The following KANSL3 variants were observed in gnomAD, a reference collection of about 807,000 sequenced individuals.
KANSL3 encodes NSL complex protein NSL3.
In KANSL3, 16 loss-of-function variants were observed where a neutral mutation model predicts 89.2. The observed-to-expected ratio is 0.18, with a 90% CI of 0.12 to 0.27. KANSL3 has a LOEUF of 0.27. KANSL3 is among the 10% of genes least tolerant of loss of function. KANSL3 has a pLI of 1.00. For missense variants in KANSL3, 879 were observed against 1,110.6 expected, an observed-to-expected ratio of 0.79 and a Z score of 2.96; for synonymous variants, 385 against 419.7, an observed-to-expected ratio of 0.92 and a Z score of 1.01.
chr2:96,633,200 G>A (rs968710192), intron 2 of KANSL3, among the ~76,000 whole-genome samples: 1 of 151,758 alleles, frequency 6.6e-6, no homozygotes, highest in Non-Finnish European at 1.5e-5. Context: ...GGACGTTGCA[G>A]TGAGCCAAAA....
intron 3 of KANSL3, among the ~76,000 whole-genome samples, chr2:96,622,194 C>T (rs1357410837): frequency 2.0e-5 from 3 of 151,882 alleles, no homozygotes; most frequent in Non-Finnish European, 4.4e-5. Flanking sequence ...GAGGCTGAGG[C>T]AGGAGGACAG....
In KANSL3 at chr2:96,602,285, C is replaced by A; in HGVS notation, c.2313G>T (p.Thr771=). ...TPMQSLGAIT[T]GTSTIVRTIP... ...TGGTACGGACAATGGTGCTGGTGCC[C>A]GTGGTGATGGCACCCAGGCTCTGCA... Residue 771 remains threonine (T), a synonymous_variant, in exon 19 of 21, where the codon ACG becomes ACT. Transcript: ENST00000431828. 1.2e-6 allele frequency: 2 copies of A among 1,612,306 alleles called. No homozygotes were observed. The highest frequency in any genetic ancestry group is 1.7e-5 in the Admixed American group (1 of 59,798).
intron 20 of KANSL3, 43 bp downstream of exon 20, chr2:96,601,600 C>T: frequency 1.3e-6 from 2 of 1,598,904 alleles, no homozygotes; most frequent in Non-Finnish European, 1.7e-6. Flanking sequence ...TTAAACTTCC[C>T]AATAATGAAG....
intron 5 of KANSL3, among the ~76,000 whole-genome samples, chr2:96,618,459 G>C (rs1268200331): frequency 6.6e-6 from 1 of 152,224 alleles, no homozygotes; most frequent in Admixed American, 6.5e-5. Context: ...CGAAGTGCTA[G>C]GATAATAGGC....
chr2:96,588,647 G>A (rs538030419), downstream of KANSL3, among the ~76,000 whole-genome samples: 28 of 152,006 alleles, frequency 1.8e-4, no homozygotes, highest in Admixed American at 5.2e-4. Flanking sequence ...CTGAAGTACA[G>A]TGGTGCAATC....
chr2:96,601,891 C>T, intron 19 of KANSL3, 115 bp from the exon 20 acceptor site: 1 of 1,425,610 alleles, frequency 7.0e-7, no homozygotes, highest in Non-Finnish European at 9.2e-7. Context: ...GCCTCCTCCC[C>T]AGCTGGGTCA....
chr2:96,581,164 G>A, the KANSL3 span, among the ~76,000 whole-genome samples: 2 of 152,190 alleles, frequency 1.3e-5, no homozygotes, highest in South Asian at 2.1e-4. Context: ...GGTGGCTCAC[G>A]CCTGTAATCC....
chr2:96,609,591 C>G, intron 11 of KANSL3, 29 bp from the exon 12 acceptor site: 1 of 1,566,294 alleles, frequency 6.4e-7, no homozygotes, highest in African/African-American at 1.3e-5. Flanking sequence ...GACATGTTTA[C>G]TTCTTACACA....
chr2:96,600,304 TAGGA>T, intron 20 of KANSL3: 1 of 436,070 alleles, frequency 2.3e-6, no homozygotes, highest in Non-Finnish European at 3.0e-6. Flanking sequence ...ACATCATCTC[TAGGA>T]GTAGCATCAT....
chr2:96,599,973 G>A (rs931420331), intron 20 of KANSL3, among the ~76,000 whole-genome samples: 1 of 152,162 alleles, frequency 6.6e-6, no homozygotes, highest in Non-Finnish European at 1.5e-5. Context: ...CTCTGGCCTG[G>A]AGAAATGCTC....
chr2:96,589,091 C>A (rs2066258263), downstream of KANSL3, among the ~76,000 whole-genome samples: 1 of 152,050 alleles, frequency 6.6e-6, no homozygotes, highest in Non-Finnish European at 1.5e-5. Flanking sequence ...ACAACTCAAA[C>A]CGCTATGAAT....
intron 2 of KANSL3, among the ~76,000 whole-genome samples, chr2:96,631,739 T>C (rs1224375371): frequency 6.6e-6 from 1 of 151,940 alleles, no homozygotes; most frequent in Non-Finnish European, 1.5e-5. Flanking sequence ...ATGATAAACA[T>C]CTATTTTTTT....
chr2:96,604,678 G>A, intron 16 of KANSL3, 101 bp downstream of exon 16: 2 of 1,116,878 alleles, frequency 1.8e-6, no homozygotes, highest in Non-Finnish European at 2.6e-6. Context: ...TTCCAAAACT[G>A]ACAAGAATCC....
intron 5 of KANSL3, 69 bp from the exon 6 acceptor site, chr2:96,613,688 C>G: frequency 6.9e-7 from 1 of 1,457,206 alleles, no homozygotes; most frequent in Non-Finnish European, 9.5e-7. Context: ...AGCAATCAAG[C>G]AGAAGAACAG....
chr2:96,637,591 T>C (rs1339023375), intron 1 of KANSL3, among the ~76,000 whole-genome samples: 1 of 152,160 alleles, frequency 6.6e-6, no homozygotes, highest in Non-Finnish European at 1.5e-5. Flanking sequence ...CACACCATCC[T>C]CTAACGACAA....
chr2:96,591,682 G>A (rs1164132427), downstream of KANSL3, among the ~76,000 whole-genome samples: 1 of 152,152 alleles, frequency 6.6e-6, no homozygotes, highest in Non-Finnish European at 1.5e-5. Flanking sequence ...GACTGGGTGG[G>A]AAGAGATAAG....
At chr2:96,632,170 A>G (rs1223340840) in intron 2 of KANSL3, among the ~76,000 whole-genome samples, 2 of 152,212 alleles carry the variant, frequency 1.3e-5, no homozygotes, top group East Asian at 3.8e-4. Flanking sequence ...CAAAAAATAA[A>G]TAAATAAATG....
At chr2:96,617,472 G>A (rs1359201690) in intron 5 of KANSL3, among the ~76,000 whole-genome samples, 1 of 151,862 alleles carries the variant, frequency 6.6e-6, no homozygotes, top group Non-Finnish European at 1.5e-5. Flanking sequence ...GCAAGTTTTG[G>A]GGATGTGGCT....
chr2:96,607,073 G>C, intron 14 of KANSL3: 1 of 1,256,290 alleles, frequency 8.0e-7, no homozygotes, highest in Non-Finnish European at 1.0e-6. Flanking sequence ...AAGAATTACA[G>C]AATCACAGCC....
Sources: allele counts gnomAD v4.1 joint callset (sites outside exome capture counted in the v4.1 genomes callset), GRCh38; gene constraint gnomAD v4.1.1; transcripts MANE v1.5; gene names NCBI Gene and HGNC (gene_info 2026-07-23, HGNC 2026-07-21).